PHACTR3: variants seen among roughly 807,000 people sequenced by gnomAD.
The protein encoded by PHACTR3 is phosphatase and actin regulator 3.
PHACTR3 carries 16 observed loss-of-function variants against 66.8 expected under a neutral mutation model. The ratio of observed to expected loss-of-function variants is 0.24; its 90% CI spans 0.16 to 0.36. PHACTR3 has a LOEUF of 0.36. PHACTR3 is among the 10% of genes least tolerant of loss of function. PHACTR3 has a pLI of 1.00. For synonymous variants in PHACTR3, 323 were observed against 292.1 expected (o/e 1.11, Z -1.08); for missense variants, 647 against 719.9 (o/e 0.90, Z 1.16).
intron 12 of PHACTR3, among the ~76,000 whole-genome samples, chr20:59,846,337 G>A (rs1176812612): frequency 6.6e-6 from 1 of 152,120 alleles, no homozygotes. Context: ...ATATATCAAG[G>A]GGAAGGGAAA....
At chr20:59,788,534 C>G (rs6015582) in intron 7 of PHACTR3, among the ~76,000 whole-genome samples, 4 of 152,328 alleles carry the variant, frequency 2.6e-5, no homozygotes, top group Non-Finnish European at 5.9e-5. Flanking sequence ...TGACCCGCCC[C>G]TAAAGGTGAG....
intron 7 of PHACTR3, among the ~76,000 whole-genome samples, chr20:59,785,202 G>A (rs966872880): frequency 6.6e-6 from 1 of 152,182 alleles, no homozygotes; most frequent in Admixed American, 6.5e-5. Flanking sequence ...CAAGAACAAG[G>A]TGATTTCCAG....
intron 1 of PHACTR3, among the ~76,000 whole-genome samples, chr20:59,723,521 T>C (rs1359517981): frequency 1.3e-5 from 2 of 152,194 alleles, no homozygotes; most frequent in African/African-American, 2.4e-5. Context: ...CATTTGGGTT[T>C]CTTTCCCACT....
At chr20:59,691,463 A>G (rs1032146050) in intron 1 of PHACTR3, among the ~76,000 whole-genome samples, 38 of 152,276 alleles carry the variant, frequency 2.5e-4, no homozygotes, top group African/African-American at 8.7e-4. Context: ...ATTAGATTCT[A>G]TACAATTTTG....
chr20:59,690,004 A>C (rs1443478231), intron 1 of PHACTR3, among the ~76,000 whole-genome samples: 1 of 152,204 alleles, frequency 6.6e-6, no homozygotes, highest in Non-Finnish European at 1.5e-5. Context: ...TGATCATTTG[A>C]AACTTCAAAT....
chr20:59,840,344 T>A, intron 9 of PHACTR3, 25 bp from the exon 10 acceptor site: 1 of 1,599,124 alleles, frequency 6.3e-7, no homozygotes, highest in East Asian at 2.2e-5. Flanking sequence ...TGTTATTTTT[T>A]TTTTCCTATT....
chr20:59,744,600 C>T (rs1395839375), intron 2 of PHACTR3, among the ~76,000 whole-genome samples: 1 of 152,198 alleles, frequency 6.6e-6, no homozygotes, highest in Non-Finnish European at 1.5e-5. Context: ...AGCGCCCAGG[C>T]CCACAGCAGG....
At chr20:59,582,833 A>G (rs1271575877) in intron 1 of PHACTR3, among the ~76,000 whole-genome samples, 1 of 152,148 alleles carries the variant, frequency 6.6e-6, no homozygotes, top group Non-Finnish European at 1.5e-5. Context: ...GCTGGCTGCA[A>G]ATATTCGTGT....
intron 1 of PHACTR3, among the ~76,000 whole-genome samples, chr20:59,593,550 T>C (rs551208237): frequency 4.6e-4 from 70 of 152,326 alleles, no homozygotes; most frequent in African/African-American, 1.5e-3. Context: ...TGCCATAATA[T>C]TGCATCTAAA....
intron 1 of PHACTR3, among the ~76,000 whole-genome samples, chr20:59,660,126 C>T (rs2035760380): frequency 6.6e-6 from 1 of 152,214 alleles, no homozygotes; most frequent in South Asian, 2.1e-4. Context: ...TGAGGCCCCA[C>T]ATATCTCTGG....
At chr20:59,781,978 C>T (rs767471438) in intron 7 of PHACTR3, among the ~76,000 whole-genome samples, 24 of 152,158 alleles carry the variant, frequency 1.6e-4, no homozygotes, top group Non-Finnish European at 3.4e-4. Context: ...TCTTAAGACA[C>T]ACCCTTGCTA....
chr20:59,696,934 A>G (rs1297609093), intron 1 of PHACTR3, among the ~76,000 whole-genome samples: 1 of 152,168 alleles, frequency 6.6e-6, no homozygotes. Flanking sequence ...TGGGGGATGG[A>G]GACTGAATCT....
intron 1 of PHACTR3, among the ~76,000 whole-genome samples, chr20:59,615,866 G>A (rs545272846): frequency 6.6e-6 from 1 of 152,350 alleles, no homozygotes; most frequent in Admixed American, 6.5e-5. Context: ...AAAGTCATAT[G>A]TAGATACAGG....
At chr20:59,628,894 C>A in intron 1 of PHACTR3, 2 of 846,704 alleles carry the variant, frequency 2.4e-6, no homozygotes, top group Non-Finnish European at 2.8e-6. Context: ...TTTAGACTCA[C>A]GTGGGGGTTG....
intron 1 of PHACTR3, among the ~76,000 whole-genome samples, chr20:59,607,383 T>A (rs946454659): frequency 6.6e-6 from 1 of 152,212 alleles, no homozygotes; most frequent in Non-Finnish European, 1.5e-5. Flanking sequence ...GTCCACCTGC[T>A]GCTCTAATGT....
chr20:59,618,699 C>G (rs2034122789), intron 1 of PHACTR3, among the ~76,000 whole-genome samples: 1 of 152,204 alleles, frequency 6.6e-6, no homozygotes, highest in South Asian at 2.1e-4. Flanking sequence ...TGCAGGAGCC[C>G]TGAAGGCTGT....
chr20:59,627,272 C>T (rs781240639), intron 1 of PHACTR3, among the ~76,000 whole-genome samples: 6 of 152,320 alleles, frequency 3.9e-5, no homozygotes, highest in Admixed American at 2.0e-4. Flanking sequence ...CCCTCACTCT[C>T]ATTGCTCCCT....
In PHACTR3 at chr20:59,774,224, A is replaced by C. The variant is rs766869844; in HGVS notation, c.927-19A>C. On this transcript the variant is annotated intron_variant, in intron 6 of 12. Transcript: ENST00000371015. ...GGTGAAGGGGGTGACCTATAACCTG[A>C]ACCATCTTTCTGGTTTAGTTTTCAA... 7 of 1,560,882 alleles carry C rather than the reference A, an allele frequency of 4.5e-6. No individual in the cohort carries two copies. The highest frequency in any genetic ancestry group is 6.1e-6 in the Non-Finnish European group (7 of 1,156,876).
chr20:59,692,836 A>G (rs6100558), intron 1 of PHACTR3, among the ~76,000 whole-genome samples: 41,229 of 152,126 alleles, frequency 0.27, 6,367 homozygotes, highest in East Asian at 0.62. Flanking sequence ...ATGTATGTCA[A>G]TTATAGGGTG....
Sources: allele counts gnomAD v4.1 joint callset (sites outside exome capture counted in the v4.1 genomes callset), GRCh38; gene constraint gnomAD v4.1.1; transcripts MANE v1.5; gene names NCBI Gene and HGNC (gene_info 2026-07-23, HGNC 2026-07-21).